Variants in PTPRD observed in about 807,000 individuals in gnomAD.
PTPRD encodes receptor-type tyrosine-protein phosphatase delta.
Under a neutral mutation model 214.5 loss-of-function variants are expected in PTPRD, and 34 were observed. That is an observed-to-expected ratio of 0.16 (90% CI 0.12 to 0.21). PTPRD has a LOEUF of 0.21. Among genes scored for constraint, PTPRD ranks in the 10% least tolerant of loss-of-function variants. The pLI is 1.00. For missense variants in PTPRD, 2,545 were observed against 2,398.7 expected (o/e 1.06, Z -1.27); for synonymous variants, 1,128 against 845.7 (o/e 1.33, Z -5.79).
At chr9:9,602,189 T>C (rs1183860328) in intron 7 of PTPRD, among the ~76,000 whole-genome samples, 1 of 152,060 alleles carries the variant, frequency 6.6e-6, no homozygotes, top group Non-Finnish European at 1.5e-5. Context: ...ACCAGACTTT[T>C]TGAAGAAAAC....
intron 9 of PTPRD, among the ~76,000 whole-genome samples, chr9:9,195,747 T>C (rs2099938204): frequency 6.8e-6 from 1 of 148,016 alleles, no homozygotes; most frequent in African/African-American, 2.5e-5. Flanking sequence ...ACAAAGACAA[T>C]TTTAGGAAGT....
Position 9,624,676 on chromosome 9 carries a change from C to T in PTPRD, c.-286-49895G>A, listed in dbSNP as rs146327471. 4.3e-4 allele frequency among the ~76,000 whole-genome samples: 65 copies of T among 152,122 alleles called. 1 individual carries two copies. Among genetic ancestry groups the T allele is most frequent in the African/African-American group, 1.5e-3 (64 of 41,522 alleles). ...TGAAACCCACCACAAAGTTAAAAAG[C>T]CCAGTTTGCTTACTTTCTCAAACAT... On this transcript the variant is annotated intron_variant, in intron 7 of 45. Coordinates refer to ENST00000381196, the MANE Select transcript of PTPRD (RefSeq NM_002839.4).
At chr9:8,331,250 GAAAGCA>G (rs540056843) in intron 44 of PTPRD, among the ~76,000 whole-genome samples, 8 of 152,142 alleles carry the variant, frequency 5.3e-5, no homozygotes, top group East Asian at 1.9e-4. Flanking sequence ...GCATTGCTAT[GAAAGCA>G]AAAGCAAATA....
rs76836952 is a variant in PTPRD at position 9,607,682 on chromosome 9, C to T, written c.-286-32901G>A. 5.2e-3 allele frequency among the ~76,000 whole-genome samples: 788 copies of T among 150,464 alleles called. 4 individuals are homozygous for T. Among genetic ancestry groups the T allele is most frequent in the Non-Finnish European group, 7.8e-3 (526 of 67,794 alleles). Reference sequence around the variant, plus strand: ...CTTATCATTCCTGACATTGTGCTTTCAAGAGTCAGTTACCACTATTGTTAT... The same window carrying T: ...CTTATCATTCCTGACATTGTGCTTTTAAGAGTCAGTTACCACTATTGTTAT... On this transcript the variant is annotated intron_variant, in intron 7 of 45. Coordinates refer to ENST00000381196, the MANE Select transcript of PTPRD (RefSeq NM_002839.4).
At chr9:9,676,811 C>T (rs1323056040) in intron 7 of PTPRD, among the ~76,000 whole-genome samples, 26 of 151,994 alleles carry the variant, frequency 1.7e-4, no homozygotes, top group South Asian at 2.1e-4. Flanking sequence ...TTTTAATGAT[C>T]GCCATTTTAA....
chr9:9,522,831 T>C (rs1019627671), intron 8 of PTPRD, among the ~76,000 whole-genome samples: 1 of 152,154 alleles, frequency 6.6e-6, no homozygotes, highest in Admixed American at 6.6e-5. Context: ...AAAGGAATTA[T>C]GAATTGAGGG....
chr9:9,070,384 G>T (rs1031783272), intron 10 of PTPRD, among the ~76,000 whole-genome samples: 2 of 152,012 alleles, frequency 1.3e-5, no homozygotes, highest in African/African-American at 4.8e-5. Flanking sequence ...ATTAATATAT[G>T]TTCCCATTCT....
chr9:8,973,590 G>T (rs954686813), intron 11 of PTPRD, among the ~76,000 whole-genome samples: 3 of 151,934 alleles, frequency 2.0e-5, no homozygotes, highest in Non-Finnish European at 2.9e-5. Context: ...CAGTAATGGG[G>T]TTGCTAGGTT....
chr9:8,605,828 TA>T (rs780894785), intron 14 of PTPRD, among the ~76,000 whole-genome samples: 1 of 152,152 alleles, frequency 6.6e-6, no homozygotes, highest in Non-Finnish European at 1.5e-5. Context: ...ATACTCTACT[TA>T]CTAGGGATTG....
chr9:8,689,380 T>G (rs1050831059), intron 12 of PTPRD, among the ~76,000 whole-genome samples: 6 of 152,144 alleles, frequency 3.9e-5, no homozygotes, highest in Non-Finnish European at 7.4e-5. Context: ...GTAGTAGTGT[T>G]TTTACACTGC....
intron 10 of PTPRD, among the ~76,000 whole-genome samples, chr9:9,069,854 A>G (rs1312655875): frequency 6.6e-6 from 1 of 152,232 alleles, no homozygotes; most frequent in African/African-American, 2.4e-5. Flanking sequence ...AAGCAGTGCC[A>G]GATTGAATCA....
chr9:8,329,397 A>G (rs573292247), intron 44 of PTPRD, among the ~76,000 whole-genome samples: 90 of 152,222 alleles, frequency 5.9e-4, no homozygotes, highest in African/African-American at 1.8e-3. Flanking sequence ...GCTTCATCCC[A>G]GAGGAGCACC....
At position 10,168,917 on chromosome 9, in the gene PTPRD, T is replaced by C. The variant is rs1360629692; in HGVS notation, c.-544-135127A>G. The stretch of plus-strand genomic sequence containing the variant: ...AGGGCAAACAGAATTTAATTCTTTG[T>C]TTGTTTCCCTCTAATATTTGTCATG... On this transcript the variant is annotated intron_variant, in intron 3 of 45. Coordinates refer to ENST00000381196, the MANE Select transcript of PTPRD (RefSeq NM_002839.4). Among the ~76,000 whole-genome samples the C allele has an allele frequency of 3.3e-5, 5 of 152,210 alleles. No homozygotes were observed. In the East Asian group the frequency reaches 7.7e-4, roughly 23 times the overall value.
At chr9:9,856,689 C>T (rs2061617843) in intron 5 of PTPRD, among the ~76,000 whole-genome samples, 1 of 151,810 alleles carries the variant, frequency 6.6e-6, no homozygotes, top group Admixed American at 6.6e-5. Context: ...GTTATAGAAT[C>T]TGTTAAAGCT....
At chr9:9,765,806 A>G (rs1009329311) in intron 6 of PTPRD, among the ~76,000 whole-genome samples, 4 of 151,228 alleles carry the variant, frequency 2.6e-5, no homozygotes, top group South Asian at 2.1e-4. Context: ...GACTACAGGC[A>G]CCCACCACCA....
chr9:8,642,186 T>C (rs16928232), intron 12 of PTPRD, among the ~76,000 whole-genome samples: 13,652 of 152,172 alleles, frequency 0.09, 710 homozygotes, highest in East Asian at 0.17. Flanking sequence ...ATAGAAAGGA[T>C]CACATGCTAC....
chr9:8,789,715 A>T (rs1300120375), intron 11 of PTPRD, among the ~76,000 whole-genome samples: 17 of 152,058 alleles, frequency 1.1e-4, no homozygotes, highest in Non-Finnish European at 2.4e-4. Flanking sequence ...AAACATCTTT[A>T]AAAAAAACCA....
intron 7 of PTPRD, among the ~76,000 whole-genome samples, chr9:9,682,443 G>A (rs1367611587): frequency 6.6e-6 from 1 of 151,732 alleles, no homozygotes; most frequent in Non-Finnish European, 1.5e-5. Flanking sequence ...AGACTTTCAA[G>A]GTTTATTTCC....
At chr9:9,975,596 C>T (rs1026595781) in intron 4 of PTPRD, among the ~76,000 whole-genome samples, 27 of 152,184 alleles carry the variant, frequency 1.8e-4, no homozygotes, top group Non-Finnish European at 3.1e-4. Context: ...ACAAAATTCT[C>T]TATGTAACTC....
Sources: gnomAD v4.1 joint callset for allele counts (sites outside exome capture counted in the v4.1 genomes callset) on GRCh38, gnomAD v4.1.1 for gene constraint, MANE v1.5 for transcripts, NCBI Gene and HGNC (gene_info 2026-07-23, HGNC 2026-07-21) for gene names.